The following ULK4 variants were observed in gnomAD, a reference collection of about 807,000 sequenced individuals.
ULK4 encodes inactive serine/threonine-protein kinase ULK4.
A neutral mutation model predicts 160.6 loss-of-function variants in ULK4; 133 were observed. That is an observed-to-expected ratio of 0.83 (90% CI 0.72 to 0.96). The LOEUF is 0.96. ULK4 is among the 40% of genes least tolerant of loss of function. The probability of loss-of-function intolerance (pLI) is 0.00; values close to 1 mark genes in which losing one functional copy is unlikely to be tolerated. For missense variants in ULK4, 1,580 were observed against 1,499.5 expected (o/e 1.05, Z -0.89); for synonymous variants, 534 against 539.8 (o/e 0.99, Z 0.15).
intron 35 of ULK4, among the ~76,000 whole-genome samples, chr3:41,275,606 A>C (rs1022965693): frequency 1.3e-5 from 2 of 149,796 alleles, no homozygotes; most frequent in Non-Finnish European, 3.0e-5. Flanking sequence ...GAATGGCCAA[A>C]GGGTGGGGAG....
At chr3:41,671,884 CAATAAT>C (rs1238403437) in intron 29 of ULK4, among the ~76,000 whole-genome samples, 9 of 151,776 alleles carry the variant, frequency 5.9e-5, no homozygotes, top group African/African-American at 2.2e-4. Flanking sequence ...AAACCAACAA[CAATAAT>C]AATAATAATC....
chr3:41,765,605 A>T (rs568913218), intron 21 of ULK4, among the ~76,000 whole-genome samples: 1 of 152,300 alleles, frequency 6.6e-6, no homozygotes, highest in African/African-American at 2.4e-5. Flanking sequence ...ACAAAGAGGA[A>T]AACAAAGAAA....
chr3:41,859,890 G>A (rs929825558), intron 17 of ULK4, among the ~76,000 whole-genome samples: 6 of 139,162 alleles, frequency 4.3e-5, no homozygotes, highest in East Asian at 4.2e-4. Flanking sequence ...GGCTGCTCTC[G>A]AACTCCTGAC....
chr3:41,440,709 T>A (rs774450538), intron 34 of ULK4, among the ~76,000 whole-genome samples: 1 of 152,094 alleles, frequency 6.6e-6, no homozygotes, highest in South Asian at 2.1e-4. Flanking sequence ...CTGGGAAAGA[T>A]TTTGTAAATT....
chr3:41,599,087 T>C (rs908539305), intron 31 of ULK4, among the ~76,000 whole-genome samples: 6 of 152,268 alleles, frequency 3.9e-5, no homozygotes, highest in Admixed American at 1.3e-4. Flanking sequence ...CATGTCACTC[T>C]GACACTTCCT....
chr3:41,730,376 C>G (rs1432867206), intron 22 of ULK4, among the ~76,000 whole-genome samples: 1 of 151,914 alleles, frequency 6.6e-6, no homozygotes, highest in East Asian at 1.9e-4. Context: ...ATATAACAAA[C>G]CTTTAGGTAG....
chr3:41,465,301 T>C (rs1246705646), intron 32 of ULK4, among the ~76,000 whole-genome samples: 2 of 152,060 alleles, frequency 1.3e-5, no homozygotes, highest in African/African-American at 2.4e-5. Context: ...AATATCAATA[T>C]TGTGTCTATT....
At chr3:41,946,202 C>A (rs1307399613) in intron 2 of ULK4, among the ~76,000 whole-genome samples, 1 of 152,148 alleles carries the variant, frequency 6.6e-6, no homozygotes, top group Non-Finnish European at 1.5e-5. Flanking sequence ...AAATGGAATG[C>A]ATTTTAGTAA....
intron 34 of ULK4, among the ~76,000 whole-genome samples, chr3:41,447,953 T>TA (rs1466730197): frequency 6.6e-6 from 1 of 152,112 alleles, no homozygotes; most frequent in African/African-American, 2.4e-5. Flanking sequence ...CACCTCCTAC[T>TA]AGAGGCCAGG....
At chr3:41,247,826 C>T (rs1450758203) in intron 36 of ULK4, among the ~76,000 whole-genome samples, 6 of 152,244 alleles carry the variant, frequency 3.9e-5, no homozygotes, top group Non-Finnish European at 5.9e-5. Flanking sequence ...AAAGGACAAA[C>T]TACTGGCAGA....
At chr3:41,547,470 A>G (rs1168243878) in intron 32 of ULK4, among the ~76,000 whole-genome samples, 1 of 152,090 alleles carries the variant, frequency 6.6e-6, no homozygotes, top group Non-Finnish European at 1.5e-5. Context: ...TAGGGAAAGG[A>G]TAAGAGATCC....
intron 29 of ULK4, among the ~76,000 whole-genome samples, chr3:41,667,815 C>G (rs928093801): frequency 6.6e-6 from 1 of 152,184 alleles, no homozygotes; most frequent in African/African-American, 2.4e-5. Flanking sequence ...AAATTCAGAT[C>G]CATTCCAAAG....
At chr3:41,618,274 C>T (rs547711851) in intron 30 of ULK4, among the ~76,000 whole-genome samples, 1 of 152,200 alleles carries the variant, frequency 6.6e-6, no homozygotes, top group East Asian at 1.9e-4. Flanking sequence ...CTACAGAGAA[C>T]ACAACTAAGA....
intron 34 of ULK4, among the ~76,000 whole-genome samples, chr3:41,452,798 A>G (rs1174190650): frequency 6.6e-6 from 1 of 152,142 alleles, no homozygotes; most frequent in African/African-American, 2.4e-5. Context: ...AAATGACTCC[A>G]TGTTCGAGCT....
intron 17 of ULK4, among the ~76,000 whole-genome samples, chr3:41,837,284 C>T (rs999368683): frequency 1.3e-5 from 2 of 152,150 alleles, no homozygotes; most frequent in Non-Finnish European, 1.5e-5. Flanking sequence ...CAAATAGACA[C>T]ATTTGGCATA....
intron 32 of ULK4, among the ~76,000 whole-genome samples, chr3:41,463,903 G>T (rs2083757802): frequency 1.3e-5 from 2 of 150,716 alleles, no homozygotes; most frequent in Admixed American, 6.6e-5. Flanking sequence ...GTTAACCTTT[G>T]AATTGAAATA....
intron 31 of ULK4, among the ~76,000 whole-genome samples, chr3:41,567,161 T>C (rs1426338399): frequency 6.6e-6 from 1 of 152,206 alleles, no homozygotes; most frequent in Non-Finnish European, 1.5e-5. Flanking sequence ...AACATATGGT[T>C]TGCTGTTGGG....
At chr3:41,927,155 A>G (rs116120799) in intron 5 of ULK4, among the ~76,000 whole-genome samples, 2,914 of 152,202 alleles carry the variant, frequency 0.019, 93 homozygotes, top group African/African-American at 0.065. Flanking sequence ...GATCTCTGCA[A>G]AAACTCTACA....
At chr3:41,352,506 C>T (rs2080931994) in intron 35 of ULK4, among the ~76,000 whole-genome samples, 1 of 152,208 alleles carries the variant, frequency 6.6e-6, no homozygotes, top group African/African-American at 2.4e-5. Context: ...GGCCCCCTGT[C>T]AACCTACTGC....
Sources: gnomAD v4.1 joint callset for allele counts (sites outside exome capture counted in the v4.1 genomes callset) on GRCh38, gnomAD v4.1.1 for gene constraint, MANE v1.5 for transcripts, NCBI Gene and HGNC (gene_info 2026-07-23, HGNC 2026-07-21) for gene names.